Variants in SLC48A1 observed in about 807,000 individuals in gnomAD.
SLC48A1 encodes the protein heme transporter HRG1.
A neutral mutation model predicts 14.8 loss-of-function variants in SLC48A1; 6 were observed. The observed-to-expected ratio is 0.41, with a 90% CI of 0.22 to 0.80. SLC48A1 has a LOEUF of 0.80. Among genes scored for constraint, SLC48A1 ranks in the 30% least tolerant of loss-of-function variants. The pLI, the probability that SLC48A1 is intolerant of heterozygous loss-of-function variation, is 0.34. For synonymous variants in SLC48A1, 89 were observed against 90.0 expected, an observed-to-expected ratio of 0.99 and a Z score of 0.06; for missense variants, 165 against 204.8, an observed-to-expected ratio of 0.81 and a Z score of 1.19.
At chr12:47,759,389 C>T (rs1183148598) in intron 1 of SLC48A1, among the ~76,000 whole-genome samples, 2 of 146,540 alleles carry the variant, frequency 1.4e-5, no homozygotes, top group African/African-American at 5.1e-5. Context: ...CAGTTCCGTT[C>T]CCAGACCCAC....
In SLC48A1 at chr12:47,781,093, A is replaced by G. The variant is rs1009700096; in HGVS notation, c.*812A>G. On this transcript the variant is annotated 3_prime_UTR_variant, in exon 3 of 3. Transcript: ENST00000442218. The stretch of plus-strand genomic sequence containing the variant: ...TCTTAAACCCCCATCCCAGCACCCC[A>G]TCCTGTTGTTCCCAGAGCTGGTCTC... 1 of 344,114 alleles carries G rather than the reference A, an allele frequency of 2.9e-6. No homozygotes were observed. Among genetic ancestry groups the G allele is most frequent in the African/African-American group, 2.2e-5 (1 of 45,976 alleles). The allele number at this position is 344,114 out of a possible 1,614,324, so 21.3% of individuals were successfully genotyped here.
rs1370349747 is a variant in SLC48A1, at chr12:47,779,065, G to A, written c.174G>A (p.Met58Ile). Residue 58 changes from methionine to isoleucine, a missense_variant, in exon 2 of 3, where the codon ATG (methionine) becomes ATA (isoleucine). Transcript: ENST00000442218. Reference sequence around the variant, plus strand: ...TGTGGGTCCTGGTGACGCACGTGATGTACATGCAAGATTATTGGAGGACCT... The same window carrying A: ...TGTGGGTCCTGGTGACGCACGTGATATACATGCAAGATTATTGGAGGACCT... Reference protein sequence around the residue: ...LALWVLVTHVMYMQDYWRTWL... With the variant: ...LALWVLVTHVIYMQDYWRTWL... The A allele has an allele frequency of 5.8e-6, 9 of 1,551,678 alleles. No homozygotes were observed. Among genetic ancestry groups the A allele is most frequent in the Non-Finnish European group, 7.8e-6 (9 of 1,147,024 alleles).
intron 2 of SLC48A1, among the ~76,000 whole-genome samples, chr12:47,762,822 A>C (rs1459343001): frequency 6.6e-6 from 1 of 152,236 alleles, no homozygotes; most frequent in Admixed American, 6.5e-5. Flanking sequence ...TGCCTCGCTC[A>C]GTCCTTACTA....
In SLC48A1 at chr12:47,780,282, C is replaced by A; in HGVS notation, c.*1C>A. 1 of 1,614,228 alleles carries A rather than the reference C, an allele frequency of 6.2e-7. No homozygotes were observed. The highest frequency in any genetic ancestry group is 8.5e-7 in the Non-Finnish European group (1 of 1,180,032). On this transcript the variant is annotated 3_prime_UTR_variant, in exon 3 of 3. Transcript: ENST00000442218. ...CATCAGCATCCTCAGCGATTTCTGA[C>A]CCAGGGGGTGAGGTCTCTGCACCCT...
chr12:47,757,353 A>G (rs1364397073), upstream of SLC48A1, among the ~76,000 whole-genome samples: 1 of 152,130 alleles, frequency 6.6e-6, no homozygotes, highest in African/African-American at 2.4e-5. Flanking sequence ...AATGTCTCAG[A>G]ATCCTTCCCT....
intron 2 of SLC48A1, among the ~76,000 whole-genome samples, chr12:47,760,845 CTG>C (rs1942360521): frequency 6.6e-6 from 1 of 152,128 alleles, no homozygotes; most frequent in South Asian, 2.1e-4. Context: ...TGCGTATACT[CTG>C]TATGTATTCT....
intron 1 of SLC48A1, among the ~76,000 whole-genome samples, chr12:47,759,590 G>T (rs539663045): frequency 1.4e-4 from 20 of 140,302 alleles, no homozygotes; most frequent in Admixed American, 5.6e-4. Flanking sequence ...TGGCCGGGTA[G>T]GTTGAGGCGG....
At chr12:47,757,399 A>G (rs1411981551), upstream of SLC48A1, among the ~76,000 whole-genome samples, 1 of 152,134 alleles carries the variant, frequency 6.6e-6, no homozygotes, top group African/African-American at 2.4e-5. Flanking sequence ...CAGTGTCCAC[A>G]TGATCACCTC....
chr12:47,780,564 TTTTC>T lies in SLC48A1; in HGVS notation c.*287_*290del. On this transcript the variant is annotated 3_prime_UTR_variant, in exon 3 of 3. Transcript: ENST00000442218. ...ATCTGTTTTCTTTTCTTTCTTTTTT[TTTTC>T]TTTTTTTTTTTTTTTTGAGATGGAG... 3 of 594,020 alleles carry T rather than the reference TTTTC, an allele frequency of 5.1e-6. No individual in the cohort carries two copies. The highest frequency in any genetic ancestry group is 6.4e-6 in the Non-Finnish European group (2 of 313,196). The allele number at this position is 594,020 out of a possible 1,614,324, so 36.8% of individuals were successfully genotyped here. A position where few individuals can be genotyped will look rare whatever the true frequency, so the allele number is the denominator to read the frequency against.
chr12:47,757,910 G>A (rs1235741362), upstream of SLC48A1: 2 of 1,557,216 alleles, frequency 1.3e-6, no homozygotes, highest in African/African-American at 1.4e-5. Context: ...TGCTCCAGCA[G>A]CAGCTGGTAG....
At chr12:47,754,066 C>T (rs1383272241), upstream of SLC48A1, 1 of 152,164 alleles carries the variant, frequency 6.6e-6, no homozygotes, top group Non-Finnish European at 1.5e-5. Context: ...TGGTGCTGAC[C>T]CCAGAGGTAG....
chr12:47,780,098 G>C (rs1379569355), intron 2 of SLC48A1, 47 bp from the exon 3 acceptor site: 1 of 1,490,192 alleles, frequency 6.7e-7, no homozygotes, highest in Non-Finnish European at 9.0e-7. Context: ...TGCAGAGGCC[G>C]AGGGCAGGGC....
rs1252484109 is a variant in SLC48A1, at chr12:47,781,338, A to G, written c.*1057A>G. On this transcript the variant is annotated 3_prime_UTR_variant, in exon 3 of 3. Transcript: ENST00000442218. ...CATGCCCCTCCAGCCCTGCGTTTCC[A>G]TTCTGCCTTCTCAGAGTGCCCTTGC... 2 of 159,864 alleles carry G rather than the reference A, an allele frequency of 1.3e-5. No homozygotes were observed. Among genetic ancestry groups the G allele is most frequent in the African/African-American group, 2.4e-5 (1 of 41,464 alleles). 9.9% of individuals were successfully genotyped at this position (159,864 alleles called of 1,614,324 possible). A position where few individuals can be genotyped will look rare whatever the true frequency, so the allele number is the denominator to read the frequency against.
upstream of SLC48A1, chr12:47,758,436 T>A: frequency 6.4e-7 from 1 of 1,569,992 alleles, no homozygotes; most frequent in Non-Finnish European, 8.7e-7. Flanking sequence ...TAAACCCTTC[T>A]CCTCTCCTCC....
At position 47,780,814 on chromosome 12, in the gene SLC48A1, G is replaced by A. The variant is rs758650339; in HGVS notation, c.*533G>A. On this transcript the variant is annotated 3_prime_UTR_variant, in exon 3 of 3. Transcript: ENST00000442218. ...ACTCCTGATCTCAGGTGATTCACCC[G>A]CCTCAGCCTTCCAAAGTGCTGGGAT... is the stretch of plus-strand genomic sequence containing the variant. The A allele has an allele frequency of 3.5e-5, 17 of 488,704 alleles. No individual in the cohort carries two copies. The highest frequency in any genetic ancestry group is 4.4e-5 in the Admixed American group (2 of 45,064). The allele number at this position is 488,704 out of a possible 1,614,324, so 30.3% of individuals were successfully genotyped here. A position where few individuals can be genotyped will look rare whatever the true frequency, so the allele number is the denominator to read the frequency against.
upstream of SLC48A1, among the ~76,000 whole-genome samples, chr12:47,767,358 T>C (rs1034995538): frequency 3.3e-5 from 5 of 152,244 alleles, no homozygotes; most frequent in Admixed American, 1.3e-4. Flanking sequence ...GAATTATTTA[T>C]GGACATTCAG....
chr12:47,769,574 C>G (rs1423369587), upstream of SLC48A1: 2 of 152,238 alleles, frequency 1.3e-5, no homozygotes, highest in Non-Finnish European at 2.9e-5. Context: ...ATATTATAGT[C>G]TAACTAATCT....
chr12:47,776,563 G>C (rs560983551), intron 1 of SLC48A1, among the ~76,000 whole-genome samples: 1 of 152,220 alleles, frequency 6.6e-6, no homozygotes, highest in Non-Finnish European at 1.5e-5. Flanking sequence ...GAGCCAGGGC[G>C]TGGGCAGCAG....
At chr12:47,758,829 C>CGTCT (rs1942261653) in intron 1 of SLC48A1, 1 of 1,213,214 alleles carries the variant, frequency 8.2e-7, no homozygotes, top group African/African-American at 1.6e-5. Context: ...CCTGCGCCTT[C>CGTCT]GTCTCAGACG....
Sources: gnomAD v4.1 joint callset for allele counts (sites outside exome capture counted in the v4.1 genomes callset) on GRCh38, gnomAD v4.1.1 for gene constraint, MANE v1.5 for transcripts, NCBI Gene and HGNC (gene_info 2026-07-23, HGNC 2026-07-21) for gene names.